The following NTHL1 variants were observed in gnomAD, a reference collection of about 807,000 sequenced individuals.
NTHL1 encodes nth like DNA glycosylase 1, also known as endonuclease III-like protein 1.
NTHL1 carries 32 observed loss-of-function variants against 32.3 expected under a neutral mutation model. The ratio of observed to expected loss-of-function variants is 0.99; its 90% CI spans 0.75 to 1.33. The LOEUF (loss-of-function observed/expected upper bound fraction) is 1.33. Ranked by LOEUF, NTHL1 falls within the 40% of genes most tolerant of loss-of-function variation. NTHL1 has a pLI of 0.00. For missense variants in NTHL1, 501 were observed against 414.1 expected (o/e 1.21, Z -1.82); for synonymous variants, 188 against 176.9 (o/e 1.06, Z -0.50).
In NTHL1 at chr16:2,040,156, G is replaced by A. The variant is rs781469017; in HGVS notation, c.768C>T (p.Ala256=). 10 of 1,613,978 alleles carry A rather than the reference G, an allele frequency of 6.2e-6. 1 individual carries two copies. In the East Asian group the frequency reaches 8.9e-5, roughly 14 times the overall value. Residue 256 remains alanine (A), a synonymous_variant, in exon 5 of 6, where the codon GCC becomes GCT. Coordinates refer to ENST00000651570, the MANE Select transcript of NTHL1 (RefSeq NM_002528.7). ...KATKSPEETR[A]ALEEWLPREL... ...ACCTAGGCAGCCACTCCTCCAGGGC[G>A]GCGCGGGTCTCCTCTGGGGACTTGG...
chr16:2,047,258 C>A, intron 1 of NTHL1: 1 of 199,618 alleles, frequency 5.0e-6, no homozygotes. Flanking sequence ...AGGTCCTCAA[C>A]GGCTGCAGGA....
Position 2,043,572 on chromosome 16 carries a change from C to T in NTHL1, c.680G>A (p.Gly227Asp), listed in dbSNP as rs1055874267. 3.9e-5 allele frequency: 63 copies of T among 1,607,038 alleles called. No individual in the cohort carries two copies. The Middle Eastern group carries it at 5.1e-4, about 13-fold the overall frequency. ...AMAVAWGTVS[G>D]IAVDTHVHRI... ...CCCCGCCCTCCTCTACTCACCAATG[C>T]CTGACACAGTGCCCCAGGCCACAGC... Residue 227 changes from glycine (G) to aspartate (D), a missense_variant, in exon 4 of 6, where the codon GGC becomes GAC. Transcript: ENST00000651570. The surrounding 1 kb of genome is among the most constrained non-coding windows in gnomAD (Gnocchi z 4.4).
intron 1 of NTHL1, chr16:2,047,289 C>A (rs917278035): frequency 8.1e-6 from 2 of 247,112 alleles, no homozygotes; most frequent in Admixed American, 5.5e-5. Flanking sequence ...AAGTGCCATG[C>A]CCTTTCCTGT....
chr16:2,046,075 C>G (rs1442926077), intron 2 of NTHL1, 53 bp downstream of exon 2: 2 of 1,497,624 alleles, frequency 1.3e-6, no homozygotes, highest in African/African-American at 2.8e-5. Flanking sequence ...AGAAAGAAAA[C>G]AAGGACCTTG....
Position 2,043,882 on chromosome 16 carries a change from G to T in NTHL1, c.526-156C>A. On this transcript the variant is annotated intron_variant, in intron 3 of 5. Transcript: ENST00000651570. This position sits in a 1 kb window ranked among gnomAD's most constrained non-coding sequence, Gnocchi z 4.4. ...CGCCCCCCAGGAGGCGGGAACAAGC[G>T]GAGGGCAGCAGGGAGGCCCAAGGTA... The T allele has an allele frequency of 1.2e-6, 1 of 854,936 alleles. No individual in the cohort carries two copies. Among genetic ancestry groups the T allele is most frequent in the Non-Finnish European group, 1.8e-6 (1 of 542,806 alleles). The allele number at this position is 854,936 out of a possible 1,614,324, so 53.0% of individuals were successfully genotyped here.
intron 4 of NTHL1, among the ~76,000 whole-genome samples, chr16:2,040,726 G>A (rs1002990126): frequency 6.6e-6 from 1 of 152,156 alleles, no homozygotes; most frequent in African/African-American, 2.4e-5. Context: ...GCAGGATCCC[G>A]ACTCCGAAGC....
chr16:2,047,759 C>T lies in NTHL1; in HGVS notation c.65G>A (p.Arg22Gln). The change falls in exon 1 of 6, where the codon CGG becomes CAG. Residue 22 changes from arginine (R) to glutamine (Q), a missense_variant. Transcript: ENST00000651570. ...SRSLGPGAGP[R>Q]GCREEPGPLR... ...AGGCCCGGGCTCCTCCCTACACCCC[C>T]GCGGCCCAGCCCCGGGTCCCAGGCT... The T allele has an allele frequency of 1.3e-6, 2 of 1,586,482 alleles. No individual in the cohort carries two copies. The highest frequency in any genetic ancestry group is 1.7e-6 in the Non-Finnish European group (2 of 1,172,080).
chr16:2,042,375 C>T (rs1283364847), intron 4 of NTHL1, among the ~76,000 whole-genome samples: 4 of 152,178 alleles, frequency 2.6e-5, no homozygotes, highest in South Asian at 2.1e-4. Flanking sequence ...GGCCCTGCCC[C>T]GGCGCACCTG....
At chr16:2,046,484 A>G in intron 1 of NTHL1, 118 bp from the exon 2 acceptor site, 1 of 937,468 alleles carries the variant, frequency 1.1e-6, no homozygotes, top group Non-Finnish European at 1.6e-6. Flanking sequence ...CCATCATCTA[A>G]TACACTTGGG....
At chr16:2,042,031 G>A (rs144484570) in intron 4 of NTHL1, 81 of 456,026 alleles carry the variant, frequency 1.8e-4, no homozygotes, top group African/African-American at 1.6e-3. Flanking sequence ...GGGATTACAG[G>A]CTTGAGCCCT....
chr16:2,040,625 C>G (rs1364579610), intron 4 of NTHL1, among the ~76,000 whole-genome samples: 2 of 152,198 alleles, frequency 1.3e-5, no homozygotes, highest in African/African-American at 4.8e-5. Context: ...CTCGCTTGGA[C>G]AAACGCTTGC....
chr16:2,044,630 C>T lies in NTHL1; in HGVS notation c.525G>A (p.Arg175=), dbSNP rs746192138. 1.2e-6 allele frequency: 2 copies of T among 1,603,122 alleles called. No homozygotes were observed. The highest frequency in any genetic ancestry group is 2.7e-5 in the African/African-American group (2 of 74,912). The part of the protein sequence containing the change: ...GKLIYPVGFW[R]SKVKYIKQTS... The stretch of plus-strand genomic sequence containing the variant: ...CCCCGTTGCCACAGGCAGGGCTCAC[C>T]CTCCAGAAACCGACGGGGTAGATGA... The change falls in exon 3 of 6, where the codon AGG becomes AGA. Residue 175 remains arginine (R), a splice_region_variant and synonymous_variant. Transcript: ENST00000651570. This position sits in a 1 kb window ranked among gnomAD's most constrained non-coding sequence, Gnocchi z 5.0.
rs918368205 is a variant in NTHL1, at chr16:2,043,100, T to C, written c.685+467A>G. Among the ~76,000 whole-genome samples the C allele has an allele frequency of 6.7e-6, 1 of 150,008 alleles. No individual in the cohort carries two copies. The highest frequency in any genetic ancestry group is 1.5e-5 in the Non-Finnish European group (1 of 67,592). On this transcript the variant is annotated intron_variant, in intron 4 of 5. Coordinates refer to ENST00000651570, the MANE Select transcript of NTHL1 (RefSeq NM_002528.7). The surrounding 1 kb of genome is among the most constrained non-coding windows in gnomAD (Gnocchi z 4.4). Reference sequence around the variant, plus strand: ...GCTCCTGGCCCTCTCTCTCGCATCATGGTTTTACAGATGCTGTTCCTTCTG... The same window carrying C: ...GCTCCTGGCCCTCTCTCTCGCATCACGGTTTTACAGATGCTGTTCCTTCTG...
In NTHL1 at chr16:2,040,779, C is replaced by T. The variant is rs188940324; in HGVS notation, c.686-541G>A. Among the ~76,000 whole-genome samples the T allele has an allele frequency of 3.3e-5, 5 of 152,308 alleles. No individual in the cohort carries two copies. The East Asian group carries it at 5.8e-4, about 18-fold the overall frequency. ...CTCCCCAGGAACGTGGCCCTGTCCC[C>T]GGAAGGGTCCATCCAGGCTTCCCTC... On this transcript the variant is annotated intron_variant, in intron 4 of 5. Coordinates refer to ENST00000651570, the MANE Select transcript of NTHL1 (RefSeq NM_002528.7).
chr16:2,043,355 C>T lies in NTHL1; in HGVS notation c.685+212G>A, dbSNP rs2084295510. 7.9e-6 allele frequency: 5 copies of T among 630,838 alleles called. No individual in the cohort carries two copies. The highest frequency in any genetic ancestry group is 1.4e-5 in the Non-Finnish European group (5 of 362,090). The allele number at this position is 630,838 out of a possible 1,614,324, so 39.1% of individuals were successfully genotyped here. ...CAGCTCCGGGGCCTCTCTCAGAGCCCTGCACGGAGCAGGTGCTCAGCCCAT... is the reference window on the plus strand; with the variant it reads ...CAGCTCCGGGGCCTCTCTCAGAGCCTTGCACGGAGCAGGTGCTCAGCCCAT... On this transcript the variant is annotated intron_variant, in intron 4 of 5. Coordinates refer to ENST00000651570, the MANE Select transcript of NTHL1 (RefSeq NM_002528.7). This position sits in a 1 kb window ranked among gnomAD's most constrained non-coding sequence, Gnocchi z 4.4.
Position 2,046,552 on chromosome 16 carries a change from C to T in NTHL1, c.116-186G>A, listed in dbSNP as rs1304993882. Among the ~76,000 whole-genome samples the T allele has an allele frequency of 2.0e-5, 3 of 152,196 alleles. No individual in the cohort carries two copies. In the East Asian group the frequency reaches 5.8e-4, roughly 29 times the overall value. On this transcript the variant is annotated intron_variant, in intron 1 of 5. Coordinates refer to ENST00000651570, the MANE Select transcript of NTHL1 (RefSeq NM_002528.7). ...GCCCTCCTTATGCCAGCGACCCTGA[C>T]AAGGTCCATGTTAGCTCATGAGGAC... is the stretch of plus-strand genomic sequence containing the variant.
intron 1 of NTHL1, 85 bp downstream of exon 1, chr16:2,047,624 T>TGGGCTG: frequency 6.7e-7 from 1 of 1,494,924 alleles, no homozygotes; most frequent in South Asian, 1.3e-5. Context: ...CCCGCGCAGC[T>TGGGCTG]GGGAGCCGCA....
chr16:2,047,597 C>T (rs2084502450), intron 1 of NTHL1, 112 bp downstream of exon 1: 1 of 1,430,224 alleles, frequency 7.0e-7, no homozygotes, highest in Non-Finnish European at 9.2e-7. Flanking sequence ...TCGCGGCTGC[C>T]GGGTTTGCAG....
At chr16:2,047,445 C>CAGAGT (rs2084487584) in intron 1 of NTHL1, 1 of 572,398 alleles carries the variant, frequency 1.7e-6, no homozygotes. Context: ...GAGTCCCGGA[C>CAGAGT]AGAGTGGTGG....
Sources: gnomAD v4.1 joint callset for allele counts (sites outside exome capture counted in the v4.1 genomes callset) on GRCh38, gnomAD v4.1.1 for gene constraint, Gnocchi (gnomAD v3.1) non-coding constraint, MANE v1.5 for transcripts, NCBI Gene and HGNC (gene_info 2026-07-23, HGNC 2026-07-21) for gene names.